The following MACROD2 variants were observed in gnomAD, a reference collection of about 807,000 sequenced individuals.
MACROD2 encodes ADP-ribose glycohydrolase MACROD2.
In MACROD2, 36 loss-of-function variants were observed where a neutral mutation model predicts 70.4. The ratio of observed to expected loss-of-function variants is 0.51; its 90% CI spans 0.39 to 0.68. The LOEUF (loss-of-function observed/expected upper bound fraction) is 0.68, where lower values mean the gene tolerates loss of function less well. Ranked by LOEUF, MACROD2 falls within the 30% of genes least tolerant of loss-of-function variation. MACROD2 has a pLI of 0.00. For missense variants in MACROD2, 496 were observed against 538.4 expected (o/e 0.92, Z 0.78); for synonymous variants, 172 against 178.8 (o/e 0.96, Z 0.30).
In MACROD2 at chr20:15,820,023, A is replaced by G. The variant is rs145490811; in HGVS notation, c.646-42722A>G. Among the ~76,000 whole-genome samples, 41 of 152,266 alleles carry G rather than the reference A, an allele frequency of 2.7e-4. 1 individual carries two copies. The highest frequency in any genetic ancestry group is 9.4e-4 in the African/African-American group (39 of 41,552). On this transcript the variant is annotated intron_variant, in intron 8 of 17. Coordinates refer to ENST00000684519, the MANE Select transcript of MACROD2 (RefSeq NM_001351661.2). ...TGTATCCCATAATATCATGTTGCAA[A>G]TCTTAAATATACACAATAGATTTTT...
chr20:14,650,381 T>A (rs557604323), intron 4 of MACROD2, among the ~76,000 whole-genome samples: 1 of 152,364 alleles, frequency 6.6e-6, no homozygotes, highest in South Asian at 2.1e-4. Flanking sequence ...CTTGATCTAT[T>A]ACTTTACCCT....
intron 8 of MACROD2, among the ~76,000 whole-genome samples, chr20:15,745,937 A>G (rs748579843): frequency 2.0e-4 from 31 of 152,140 alleles, no homozygotes; most frequent in Non-Finnish European, 3.2e-4. Context: ...TATTTAAAAT[A>G]TATCTTAATA....
chr20:14,966,822 G>A (rs2074641683), intron 5 of MACROD2, among the ~76,000 whole-genome samples: 1 of 151,934 alleles, frequency 6.6e-6, no homozygotes, highest in Admixed American at 6.6e-5. Context: ...GTATGTACAG[G>A]CATTTTTTTA....
At chr20:14,014,995 G>C (rs1392234452) in intron 2 of MACROD2, among the ~76,000 whole-genome samples, 1 of 148,946 alleles carries the variant, frequency 6.7e-6, no homozygotes, top group South Asian at 2.1e-4. Context: ...TTGTAGAGGT[G>C]GGGTTTTACC....
chr20:15,572,432 T>C (rs188814801), intron 8 of MACROD2, among the ~76,000 whole-genome samples: 5 of 152,254 alleles, frequency 3.3e-5, no homozygotes, highest in Admixed American at 3.3e-4. Context: ...CAAAGTTAAT[T>C]TCTGAAAAGC....
chr20:15,037,979 T>C (rs1008567803), intron 5 of MACROD2, among the ~76,000 whole-genome samples: 1 of 152,162 alleles, frequency 6.6e-6, no homozygotes, highest in Non-Finnish European at 1.5e-5. Context: ...CTTGAGGCAA[T>C]GGATGTGCCA....
chr20:15,987,066 A>T lies in MACROD2; in HGVS notation c.1061A>T (p.Glu354Val). Residue 354 changes from glutamate (E) to valine (V), a missense_variant and splice_region_variant, in exon 15 of 18, where the codon GAA (glutamate) becomes GTA (valine). Coordinates refer to ENST00000684519, the MANE Select transcript of MACROD2 (RefSeq NM_001351661.2). ...ESQSSYMETEELSSNQEDAVI... is the reference protein window; with the variant it reads ...ESQSSYMETEVLSSNQEDAVI... ...TGTCCATCTGTCTCATTCTATTTAG[A>T]ACTTTCATCAAACCAAGAAGATGCC... The T allele has an allele frequency of 6.2e-7, 1 of 1,608,308 alleles. No individual in the cohort carries two copies. The highest frequency in any genetic ancestry group is 8.5e-7 in the Non-Finnish European group (1 of 1,178,340).
At chr20:15,907,502 G>T (rs542493423) in intron 10 of MACROD2, among the ~76,000 whole-genome samples, 1 of 152,224 alleles carries the variant, frequency 6.6e-6, no homozygotes, top group East Asian at 1.9e-4. Context: ...GTCAAATTTT[G>T]CTTGTCCATT....
chr20:14,938,840 A>AAAT (rs1387556952), intron 5 of MACROD2, among the ~76,000 whole-genome samples: 1 of 151,952 alleles, frequency 6.6e-6, no homozygotes, highest in Non-Finnish European at 1.5e-5. Flanking sequence ...TTCTTCTGGA[A>AAAT]AATATTCTTC....
chr20:15,735,207 T>G (rs562273432), intron 8 of MACROD2, among the ~76,000 whole-genome samples: 26 of 152,252 alleles, frequency 1.7e-4, no homozygotes, highest in African/African-American at 5.8e-4. Flanking sequence ...GCAATCTGCT[T>G]GCCTCGGCCT....
intron 5 of MACROD2, among the ~76,000 whole-genome samples, chr20:14,840,033 C>CTTTTTTTTTT (rs71190154): frequency 7.0e-6 from 1 of 142,492 alleles, no homozygotes. Flanking sequence ...GTCTCCATGT[C>CTTTTTTTTTT]TTTTTTTTTT....
chr20:15,866,221 A>G (rs1407731445), intron 9 of MACROD2, among the ~76,000 whole-genome samples: 1 of 152,122 alleles, frequency 6.6e-6, no homozygotes, highest in Non-Finnish European at 1.5e-5. Context: ...ACTTGGCTCT[A>G]CAAAAAATAA....
chr20:15,106,606 C>T (rs1003268121), intron 5 of MACROD2, among the ~76,000 whole-genome samples: 1 of 152,164 alleles, frequency 6.6e-6, no homozygotes, highest in Non-Finnish European at 1.5e-5. Context: ...CTAACCACTT[C>T]TCCCTTAAGA....
intron 5 of MACROD2, among the ~76,000 whole-genome samples, chr20:15,229,576 C>A (rs1667795491): frequency 6.6e-6 from 1 of 152,120 alleles, no homozygotes; most frequent in Non-Finnish European, 1.5e-5. Flanking sequence ...CTTTTGCAGG[C>A]AATTACTCCT....
chr20:14,907,725 GA>G (rs1169050211), intron 5 of MACROD2, among the ~76,000 whole-genome samples: 1 of 152,178 alleles, frequency 6.6e-6, no homozygotes, highest in Non-Finnish European at 1.5e-5. Context: ...GATGGGTAGT[GA>G]GAGAAGAAAT....
chr20:14,076,824 G>A (rs1332536490), intron 2 of MACROD2, among the ~76,000 whole-genome samples: 2 of 151,960 alleles, frequency 1.3e-5, no homozygotes, highest in African/African-American at 2.4e-5. Context: ...ATTCTACTTA[G>A]GTTTGCTGAT....
At chr20:15,834,904 G>A (rs901691267) in intron 8 of MACROD2, among the ~76,000 whole-genome samples, 2 of 152,052 alleles carry the variant, frequency 1.3e-5, no homozygotes, top group South Asian at 2.1e-4. Context: ...CATGGCTAAC[G>A]ATGAGGCCAA....
At chr20:14,017,325 C>T in intron 2 of MACROD2, among the ~76,000 whole-genome samples, 1 of 151,982 alleles carries the variant, frequency 6.6e-6, no homozygotes. Context: ...CTTTTTCTTG[C>T]CTGATTACTC....
At chr20:15,294,785 CAG>C (rs1270512601) in intron 6 of MACROD2, among the ~76,000 whole-genome samples, 1 of 152,126 alleles carries the variant, frequency 6.6e-6, no homozygotes, top group East Asian at 1.9e-4. Flanking sequence ...TTTTTAGTGA[CAG>C]AAAACCAGAA....
Sources: allele counts gnomAD v4.1 joint callset (sites outside exome capture counted in the v4.1 genomes callset), GRCh38; gene constraint gnomAD v4.1.1; transcripts MANE v1.5; gene names NCBI Gene and HGNC (gene_info 2026-07-23, HGNC 2026-07-21).